C10orf105: variants seen among roughly 807,000 people sequenced by gnomAD.
The protein encoded by C10orf105 is chromosome 10 open reading frame 105, also known as uncharacterized protein C10orf105.
In C10orf105, 2 loss-of-function variants were observed where a neutral mutation model predicts 0.6. That is an observed-to-expected ratio of 3.18 (90% CI 1.30 to 10.01). The LOEUF is 10.01. Ranked by LOEUF, C10orf105 falls within the 30% of genes most tolerant of loss-of-function variation. The pLI, the probability that C10orf105 is intolerant of heterozygous loss-of-function variation, is 0.04. For missense variants in C10orf105, 209 were observed against 191.4 expected, an observed-to-expected ratio of 1.09 and a Z score of -0.54; for synonymous variants, 95 against 82.4, an observed-to-expected ratio of 1.15 and a Z score of -0.83.
chr10:71,715,700 A>C lies in C10orf105; in HGVS notation c.*236T>G, dbSNP rs962248311. ...GATGACCACGAGTGCACATCTCTTGACCAGAAGTCTTTCATCAAGCAGCAG... is the reference window on the plus strand; with the variant it reads ...GATGACCACGAGTGCACATCTCTTGCCCAGAAGTCTTTCATCAAGCAGCAG... On this transcript the variant is annotated 3_prime_UTR_variant, in exon 2 of 2. Transcript: ENST00000441508. 7.5e-6 allele frequency: 3 copies of C among 400,766 alleles called. No homozygotes were observed. The highest frequency in any genetic ancestry group is 4.1e-5 in the Admixed American group (1 of 24,312). 24.8% of individuals were successfully genotyped at this position (400,766 alleles called of 1,614,324 possible).
At chr10:71,735,217 G>A (rs1483553369) in intron 1 of C10orf105, among the ~76,000 whole-genome samples, 1 of 152,200 alleles carries the variant, frequency 6.6e-6, no homozygotes, top group Non-Finnish European at 1.5e-5. Context: ...AGTGTGTGGG[G>A]TGGGATGCAC....
chr10:71,731,212 G>T (rs1024129743), intron 1 of C10orf105, among the ~76,000 whole-genome samples: 5 of 152,218 alleles, frequency 3.3e-5, no homozygotes, highest in Non-Finnish European at 4.4e-5. Flanking sequence ...CCCCAGTCAG[G>T]GATACAGCTG....
exon 1 of C10orf105, chr10:71,737,731 T>C (rs967559220): frequency 1.5e-5 from 7 of 470,810 alleles, no homozygotes; most frequent in Non-Finnish European, 3.1e-5. Context: ...TGGGTACCTG[T>C]GATTCCAGCC....
At chr10:71,733,502 C>T (rs1016462761) in intron 1 of C10orf105, among the ~76,000 whole-genome samples, 1 of 152,194 alleles carries the variant, frequency 6.6e-6, no homozygotes, top group Non-Finnish European at 1.5e-5. Context: ...GAGGACCCCA[C>T]CAAGAGTTGC....
At chr10:71,732,718 C>T in intron 1 of C10orf105, 1 of 1,229,144 alleles carries the variant, frequency 8.1e-7, no homozygotes, top group Non-Finnish European at 1.0e-6. Context: ...AAAGTTTATA[C>T]CTATGCAGGC....
chr10:71,730,001 A>AT (rs1374087210), intron 1 of C10orf105, among the ~76,000 whole-genome samples: 1 of 151,836 alleles, frequency 6.6e-6, no homozygotes, highest in African/African-American at 2.4e-5. Flanking sequence ...CGCCCGGCTA[A>AT]TTTTTTGTAT....
chr10:71,722,523 T>A (rs544161765), upstream of C10orf105, among the ~76,000 whole-genome samples: 5 of 152,222 alleles, frequency 3.3e-5, no homozygotes, highest in Non-Finnish European at 5.9e-5. Context: ...GACCCTACTG[T>A]GTGCCAGGAT....
intron 1 of C10orf105, among the ~76,000 whole-genome samples, chr10:71,736,257 C>T (rs1037609463): frequency 2.0e-5 from 3 of 152,214 alleles, no homozygotes; most frequent in East Asian, 1.9e-4. Context: ...TCCCAGGGGC[C>T]GCTGCCCCAG....
At chr10:71,729,328 G>A (rs890627652) in intron 1 of C10orf105, among the ~76,000 whole-genome samples, 2 of 152,168 alleles carry the variant, frequency 1.3e-5, no homozygotes, top group Admixed American at 6.5e-5. Context: ...TGTAAGAAGC[G>A]CCCACAGGAA....
chr10:71,730,056 G>C (rs1348157276), intron 1 of C10orf105, among the ~76,000 whole-genome samples: 1 of 152,014 alleles, frequency 6.6e-6, no homozygotes, highest in African/African-American at 2.4e-5. Flanking sequence ...GGATGGTCTC[G>C]ATCTTCTGAC....
Position 71,716,251 on chromosome 10 carries a change from A to G in C10orf105, c.87T>C (p.Leu29=). 1 of 1,549,046 alleles carries G rather than the reference A, an allele frequency of 6.5e-7. No individual in the cohort carries two copies. The highest frequency in any genetic ancestry group is 8.7e-7 in the Non-Finnish European group (1 of 1,145,706). Residue 29 remains leucine, a synonymous_variant, in exon 2 of 2, where the codon CTT becomes CTC. Coordinates refer to ENST00000441508, the MANE Select transcript of C10orf105 (RefSeq NM_001164375.3). The stretch of plus-strand genomic sequence containing the variant: ...TGGGGAGGGGGTCAGTTGCCTCTGC[A>G]AGGGTCCCGGGAGTGACGGGAGCTG... ...FLSAPVTPGT[L]AEATDPLPML...
upstream of C10orf105, among the ~76,000 whole-genome samples, chr10:71,723,247 C>T (rs899506646): frequency 6.6e-6 from 1 of 152,166 alleles, no homozygotes; most frequent in East Asian, 1.9e-4. Flanking sequence ...GGTGTTTGTT[C>T]TCCACTTGTT....
chr10:71,728,164 G>T (rs905762577), intron 1 of C10orf105, among the ~76,000 whole-genome samples: 1 of 152,174 alleles, frequency 6.6e-6, no homozygotes, highest in African/African-American at 2.4e-5. Flanking sequence ...CCGAAAAAGA[G>T]TTCCTGAAAT....
Position 71,716,027 on chromosome 10 carries a change from C to A in C10orf105, c.311G>T (p.Arg104Leu). 1 of 1,502,338 alleles carries A rather than the reference C, an allele frequency of 6.7e-7. No homozygotes were observed. The allele number at this position is 1,502,338 out of a possible 1,614,324, so 93.1% of individuals were successfully genotyped here. A position where few individuals can be genotyped will look rare whatever the true frequency, so the allele number is the denominator to read the frequency against. ...TCGAGGGACGGTGGGCCGGCCATGG[C>A]GGAAGCTGTGCAGGGAGAGGCGCAA... ...GSLRLSLHSF[R>L]HGRPTVPRQP... Residue 104 changes from arginine to leucine, a missense_variant, in exon 2 of 2, where the codon CGC becomes CTC. Coordinates refer to ENST00000441508, the MANE Select transcript of C10orf105 (RefSeq NM_001164375.3).
chr10:71,730,650 A>G, intron 1 of C10orf105: 1 of 1,608,482 alleles, frequency 6.2e-7, no homozygotes, highest in Non-Finnish European at 8.5e-7. Flanking sequence ...CTCAGAGCAA[A>G]CCTCCCCAGC....
intron 1 of C10orf105, chr10:71,725,607 G>A (rs1399050378): frequency 1.7e-5 from 25 of 1,440,516 alleles, no homozygotes; most frequent in Non-Finnish European, 2.0e-5. Context: ...TTGGCGCCTG[G>A]TGTGGGCAGG....
chr10:71,727,322 T>C (rs565432905), intron 1 of C10orf105, among the ~76,000 whole-genome samples: 1 of 152,292 alleles, frequency 6.6e-6, no homozygotes, highest in East Asian at 1.9e-4. Flanking sequence ...ATAAGCCTCT[T>C]CAAAGCCCAG....
At chr10:71,720,227 C>G (rs1195884962), upstream of C10orf105, among the ~76,000 whole-genome samples, 2 of 152,200 alleles carry the variant, frequency 1.3e-5, no homozygotes, top group African/African-American at 4.8e-5. Context: ...CCATTCCTTC[C>G]AGGCTTTTCC....
chr10:71,733,191 T>C (rs1839448286), intron 1 of C10orf105, among the ~76,000 whole-genome samples: 1 of 152,192 alleles, frequency 6.6e-6, no homozygotes, highest in African/African-American at 2.4e-5. Context: ...AAGGATAGTC[T>C]AAAGGATACC....
Sources: allele counts gnomAD v4.1 joint callset (sites outside exome capture counted in the v4.1 genomes callset), GRCh38; gene constraint gnomAD v4.1.1; transcripts MANE v1.5; gene names NCBI Gene and HGNC (gene_info 2026-07-23, HGNC 2026-07-21).